Variants in ANO3 observed in about 807,000 individuals in gnomAD.
The protein encoded by ANO3 is anoctamin 3, also known as anoctamin-3.
Under a neutral mutation model 144.8 loss-of-function variants are expected in ANO3, and 99 were observed. The observed-to-expected ratio is 0.68, with a 90% confidence interval of 0.58 to 0.81. The LOEUF is 0.81. Ranked by LOEUF, ANO3 falls within the 30% of genes least tolerant of loss-of-function variation. ANO3 has a pLI of 0.00. For synonymous variants in ANO3, 414 were observed against 392.6 expected (o/e 1.05, Z -0.64); for missense variants, 905 against 1,202.2 (o/e 0.75, Z 3.66).
intron 1 of ANO3, among the ~76,000 whole-genome samples, chr11:26,299,147 T>A (rs947956821): frequency 1.3e-5 from 2 of 152,052 alleles, no homozygotes; most frequent in Admixed American, 6.6e-5. Flanking sequence ...TTTGCAAAGT[T>A]AAAAGGTTAA....
At chr11:26,279,705 A>C (rs761669743) in intron 1 of ANO3, among the ~76,000 whole-genome samples, 4 of 152,152 alleles carry the variant, frequency 2.6e-5, no homozygotes, top group Non-Finnish European at 5.9e-5. Flanking sequence ...GAACCAGAAA[A>C]CTGGATAAAT....
chr11:26,425,098 G>A (rs1348341662), intron 1 of ANO3, among the ~76,000 whole-genome samples: 1 of 146,542 alleles, frequency 6.8e-6, no homozygotes, highest in Non-Finnish European at 1.5e-5. Context: ...GTTCTTGCTT[G>A]TCATAATAGA....
chr11:26,201,004 A>C (rs1211065982), intron 1 of ANO3, among the ~76,000 whole-genome samples: 1 of 152,118 alleles, frequency 6.6e-6, no homozygotes, highest in East Asian at 1.9e-4. Flanking sequence ...ACATTTAGAG[A>C]GTTGATGCTT....
chr11:26,313,099 A>T (rs1443192754), intron 1 of ANO3, among the ~76,000 whole-genome samples: 3 of 152,154 alleles, frequency 2.0e-5, no homozygotes, highest in Admixed American at 6.6e-5. Context: ...AAGTCATTTT[A>T]TTCGTTGGAT....
At chr11:26,490,797 T>C (rs970131441) in intron 4 of ANO3, among the ~76,000 whole-genome samples, 1 of 152,218 alleles carries the variant, frequency 6.6e-6, no homozygotes, top group African/African-American at 2.4e-5. Flanking sequence ...GGCAAGTGTT[T>C]CCTTCATGAA....
chr11:26,283,889 T>G (rs764335227), intron 1 of ANO3, among the ~76,000 whole-genome samples: 26 of 152,072 alleles, frequency 1.7e-4, no homozygotes, highest in Non-Finnish European at 3.5e-4. Flanking sequence ...CAAATTTAGA[T>G]AGAGAAAACT....
rs1366613864 is a variant in ANO3, at chr11:26,559,828, T to C, written c.1447+49T>C. 3.4e-6 allele frequency: 4 copies of C among 1,160,774 alleles called. No homozygotes were observed. In the Admixed American group the frequency reaches 7.2e-5, roughly 21 times the overall value. The allele number at this position is 1,160,774 out of a possible 1,614,324, so 71.9% of individuals were successfully genotyped here. A position where few individuals can be genotyped will look rare whatever the true frequency, so the allele number is the denominator to read the frequency against. On this transcript the variant is annotated intron_variant, in intron 14 of 26. Coordinates refer to ENST00000256737, the MANE Select transcript of ANO3 (RefSeq NM_031418.4). ...CTATCCCTTATTTTCTGAAGCTGTTTCTGTGTTACACACACACACACACAC... is the reference window on the plus strand; with the variant it reads ...CTATCCCTTATTTTCTGAAGCTGTTCCTGTGTTACACACACACACACACAC...
chr11:26,628,118 GT>G (rs1852653017), intron 18 of ANO3, among the ~76,000 whole-genome samples: 1 of 151,890 alleles, frequency 6.6e-6, no homozygotes, highest in African/African-American at 2.4e-5. Flanking sequence ...TTGAACTTTG[GT>G]TTCCTGGTTT....
At chr11:26,206,693 A>T (rs1030315538) in intron 1 of ANO3, among the ~76,000 whole-genome samples, 1 of 152,214 alleles carries the variant, frequency 6.6e-6, no homozygotes, top group Non-Finnish European at 1.5e-5. Context: ...TAAGTTATTT[A>T]TTCTCATTTA....
chr11:26,230,673 T>G (rs761690768), intron 1 of ANO3, among the ~76,000 whole-genome samples: 1 of 151,004 alleles, frequency 6.6e-6, no homozygotes, highest in Admixed American at 6.6e-5. Context: ...GGCTCACACC[T>G]GTGATCCCAG....
At chr11:26,334,564 A>G (rs1855144674) in intron 1 of ANO3, among the ~76,000 whole-genome samples, 1 of 152,212 alleles carries the variant, frequency 6.6e-6, no homozygotes, top group South Asian at 2.1e-4. Context: ...AATCTTCAAC[A>G]AAGTGGTTAA....
chr11:26,522,365 GTCC>G (rs959374307), intron 6 of ANO3, among the ~76,000 whole-genome samples: 1 of 152,086 alleles, frequency 6.6e-6, no homozygotes, highest in African/African-American at 2.4e-5. Context: ...TCATTTAACT[GTCC>G]TCCTCACTTA....
intron 1 of ANO3, among the ~76,000 whole-genome samples, chr11:26,226,141 C>A (rs1049449307): frequency 6.6e-6 from 1 of 152,036 alleles, no homozygotes; most frequent in African/African-American, 2.4e-5. Context: ...ACTTTCCTTT[C>A]TGGACACTAC....
intron 1 of ANO3, among the ~76,000 whole-genome samples, chr11:26,266,200 A>G (rs1435688385): frequency 6.6e-6 from 1 of 152,106 alleles, no homozygotes; most frequent in African/African-American, 2.4e-5. Context: ...AAATTATTTC[A>G]AACTTGTTCA....
At chr11:26,632,437 A>C (rs1852813559) in intron 18 of ANO3, among the ~76,000 whole-genome samples, 9 of 150,654 alleles carry the variant, frequency 6.0e-5, no homozygotes. Context: ...AATCACTTGA[A>C]CCTGGGAGGC....
At chr11:26,483,911 T>C (rs189307324) in intron 4 of ANO3, among the ~76,000 whole-genome samples, 67 of 152,326 alleles carry the variant, frequency 4.4e-4, no homozygotes, top group African/African-American at 1.6e-3. Context: ...AAGTCTAAGC[T>C]GAGGAGGTCT....
intron 13 of ANO3, among the ~76,000 whole-genome samples, chr11:26,554,382 A>G (rs1230562582): frequency 1.7e-4 from 26 of 152,146 alleles, no homozygotes; most frequent in Non-Finnish European, 2.9e-5. Context: ...AAAGTCTTCT[A>G]TTAACATTCA....
chr11:26,646,479 ATGT>A (rs1454892752), intron 23 of ANO3, among the ~76,000 whole-genome samples: 1 of 152,134 alleles, frequency 6.6e-6, no homozygotes, highest in Non-Finnish European at 1.5e-5. Flanking sequence ...ATTACCAAAA[ATGT>A]TGTAACAAGT....
intron 1 of ANO3, among the ~76,000 whole-genome samples, chr11:26,250,100 A>C (rs1852892997): frequency 6.6e-6 from 1 of 152,236 alleles, no homozygotes; most frequent in Admixed American, 6.5e-5. Flanking sequence ...CCTAATTATA[A>C]GGGAGAATGA....
Sources: gnomAD v4.1 joint callset for allele counts (sites outside exome capture counted in the v4.1 genomes callset) on GRCh38, gnomAD v4.1.1 for gene constraint, MANE v1.5 for transcripts, NCBI Gene and HGNC (gene_info 2026-07-23, HGNC 2026-07-21) for gene names.